The following IGFALS variants were observed in gnomAD, a reference collection of about 807,000 sequenced individuals.
IGFALS encodes the protein insulin-like growth factor-binding protein complex acid labile subunit.
In IGFALS, 2 loss-of-function variants were observed where a neutral mutation model predicts 2.6. That is an observed-to-expected ratio of 0.77 (90% CI 0.32 to 2.44). The LOEUF is 2.44. IGFALS is among the 30% of genes most tolerant of loss of function. The probability of loss-of-function intolerance (pLI) is 0.11; values close to 1 mark genes in which losing one functional copy is unlikely to be tolerated. For missense variants in IGFALS, 996 were observed against 848.7 expected (o/e 1.17, Z -2.16); for synonymous variants, 519 against 431.9 (o/e 1.20, Z -2.50).
At chr16:1,794,130 A>G (rs1327923873), upstream of IGFALS, among the ~76,000 whole-genome samples, 1 of 151,882 alleles carries the variant, frequency 6.6e-6, no homozygotes, top group Non-Finnish European at 1.5e-5. Context: ...GTGTGGGGCT[A>G]AGGGGCTGCC....
At chr16:1,794,898 T>C, upstream of IGFALS, 1 of 702,300 alleles carries the variant, frequency 1.4e-6, no homozygotes, top group Admixed American at 2.0e-5. Context: ...GTCTTCCCTT[T>C]ATCGAGAATT....
chr16:1,793,718 T>A, upstream of IGFALS: 1 of 1,500,112 alleles, frequency 6.7e-7, no homozygotes, highest in South Asian at 1.2e-5. Flanking sequence ...CGGCCACCCC[T>A]GCCCTCTGGA....
At chr16:1,794,732 A>G (rs34679887), upstream of IGFALS, 9,589 of 654,688 alleles carry the variant, frequency 0.015, 547 homozygotes, top group South Asian at 0.12. Flanking sequence ...CGGCAGTGGG[A>G]AAGTGTGCAG....
Position 1,791,242 on chromosome 16 carries a change from G to T in IGFALS, c.1176C>A (p.His392Gln). ...FRGLGKLHSLHLEGSCLGRIR... is the reference protein window; with the variant it reads ...FRGLGKLHSLQLEGSCLGRIR... ...TGCGTCCCAGGCAGCTGCCCTCCAG[G>T]TGCAGGCTGTGCAGCTTGCCCAGGC... The change falls in exon 2 of 2, where the codon CAC becomes CAA. Residue 392 changes from histidine (H) to glutamine (Q), a missense_variant. Physicochemically the swap from His to Gln is conservative, Grantham distance 24 (BLOSUM62 0). Coordinates refer to ENST00000215539, the MANE Select transcript of IGFALS (RefSeq NM_004970.3). 6.2e-7 allele frequency: 1 copy of T among 1,608,520 alleles called. No individual in the cohort carries two copies. The highest frequency in any genetic ancestry group is 8.5e-7 in the Non-Finnish European group (1 of 1,179,834).
chr16:1,792,793 G>T (rs921167784), intron 1 of IGFALS, among the ~76,000 whole-genome samples: 38 of 152,332 alleles, frequency 2.5e-4, no homozygotes, highest in African/African-American at 8.9e-4. Flanking sequence ...CATTGGCCAA[G>T]GTCCGGCCAT....
upstream of IGFALS, chr16:1,793,775 C>T (rs1897282464): frequency 7.2e-6 from 7 of 972,834 alleles, no homozygotes; most frequent in South Asian, 1.1e-4. Context: ...GCTGGCCCAA[C>T]CCAGCTGGCC....
Position 1,791,078 on chromosome 16 carries a change from G to C in IGFALS, c.1340C>G (p.Thr447Arg), listed in dbSNP as rs571715026. 1.9e-6 allele frequency: 3 copies of C among 1,599,170 alleles called. No homozygotes were observed. The highest frequency in any genetic ancestry group is 2.5e-6 in the Non-Finnish European group (3 of 1,179,708). The part of the protein sequence containing the change: ...LELDLTSNQL[T>R]HLPHRLFQGL... The stretch of plus-strand genomic sequence containing the variant: ...CTGGAAGAGGCGGTGGGGCAGGTGC[G>C]TGAGCTGGTTGGAGGTCAGGTCGAG... The change falls in exon 2 of 2, where the codon ACG becomes AGG. Residue 447 changes from threonine (T) to arginine (R), a missense_variant. By Grantham distance (71) the Thr-to-Arg change is moderately conservative. Transcript: ENST00000215539.
At chr16:1,792,556 G>C (rs572726393) in intron 1 of IGFALS, 155 bp from the exon 2 acceptor site, 3 of 1,376,492 alleles carry the variant, frequency 2.2e-6, no homozygotes, top group Non-Finnish European at 2.9e-6. Flanking sequence ...AGGTCCTCCG[G>C]CTCAAAAGCT....
At chr16:1,793,243 G>A (rs1024350751) in intron 1 of IGFALS, among the ~76,000 whole-genome samples, 5 of 152,160 alleles carry the variant, frequency 3.3e-5, no homozygotes, top group East Asian at 1.9e-4. Context: ...GGGGGTGGCC[G>A]AAGCTGCAAG....
Position 1,792,264 on chromosome 16 carries a change from C to G in IGFALS, c.154G>C (p.Asp52His). 6.2e-7 allele frequency: 1 copy of G among 1,601,380 alleles called. No individual in the cohort carries two copies. Residue 52 changes from aspartate (D) to histidine (H), a missense_variant, in exon 2 of 2, where the codon GAC (aspartate) becomes CAC (histidine). Coordinates refer to ENST00000215539, the MANE Select transcript of IGFALS (RefSeq NM_004970.3). ...PAACVCSYDDDADELSVFCSS... is the reference protein window; with the variant it reads ...PAACVCSYDDHADELSVFCSS... ...CAGAAGACGCTGAGCTCATCCGCGT[C>G]GTCATCGTAGCTGCAGACACAGGCG...
chr16:1,792,254 T>G lies in IGFALS; in HGVS notation c.164A>C (p.Glu55Ala). 1 of 1,602,362 alleles carries G rather than the reference T, an allele frequency of 6.2e-7. No individual in the cohort carries two copies. The highest frequency in any genetic ancestry group is 1.3e-5 in the African/African-American group (1 of 75,032). ...CCTGGAGCTGCAGAAGACGCTGAGC[T>G]CATCCGCGTCGTCATCGTAGCTGCA... ...CVCSYDDDAD[E>A]LSVFCSSRNL... The change falls in exon 2 of 2, where the codon GAG becomes GCG. Residue 55 changes from glutamate (E) to alanine (A), a missense_variant. Coordinates refer to ENST00000215539, the MANE Select transcript of IGFALS (RefSeq NM_004970.3).
chr16:1,794,456 C>G (rs1253829873), upstream of IGFALS, among the ~76,000 whole-genome samples: 2 of 152,146 alleles, frequency 1.3e-5, no homozygotes, highest in Admixed American at 6.5e-5. Context: ...CTTGCTGTCC[C>G]CCAAGGCTCT....
chr16:1,792,283 A>C lies in IGFALS; in HGVS notation c.135T>G (p.Cys45Trp), dbSNP rs371186805. The C allele has an allele frequency of 1.9e-6, 3 of 1,599,926 alleles. No individual in the cohort carries two copies. Among genetic ancestry groups the C allele is most frequent in the Non-Finnish European group, 2.5e-6 (3 of 1,179,564 alleles). Reference sequence around the variant, plus strand: ...CCGCGTCGTCATCGTAGCTGCAGACACAGGCGGCCGGGCACGCTGGGCCCT... The same window carrying C: ...CCGCGTCGTCATCGTAGCTGCAGACCCAGGCGGCCGGGCACGCTGGGCCCT... ...EAEGPACPAA[C>W]VCSYDDDADE... The change falls in exon 2 of 2, where the codon TGT becomes TGG. Residue 45 changes from cysteine (C) to tryptophan (W), a missense_variant. By Grantham distance (215) the Cys-to-Trp change is radical. Transcript: ENST00000215539.
At chr16:1,794,123 T>G (rs1567243361), upstream of IGFALS, among the ~76,000 whole-genome samples, 1 of 152,038 alleles carries the variant, frequency 6.6e-6, no homozygotes, top group African/African-American at 2.4e-5. Context: ...GCCAGCCGTG[T>G]GGGGCTAAGG....
rs1362024021 is a variant in IGFALS, at chr16:1,793,666, C to T, written c.-14G>A. The T allele has an allele frequency of 1.3e-6, 2 of 1,592,384 alleles. No homozygotes were observed. Among genetic ancestry groups the T allele is most frequent in the Non-Finnish European group, 1.7e-6 (2 of 1,169,088 alleles). On this transcript the variant is annotated 5_prime_UTR_variant, in exon 1 of 2. Transcript: ENST00000215539. ...CCTCAGGGCCATCCTGCATGCAGGGCAGGCTGCAGGCAGGCAGCGAGGGAG... is the reference window on the plus strand; with the variant it reads ...CCTCAGGGCCATCCTGCATGCAGGGTAGGCTGCAGGCAGGCAGCGAGGGAG...
In IGFALS at chr16:1,791,641, CG is replaced by C; in HGVS notation, c.776del (p.Pro259ArgfsTer7). 1 of 1,578,388 alleles carries C rather than the reference CG, an allele frequency of 6.3e-7. No individual in the cohort carries two copies. ...LDRNLIAAVA[P>X]GAFLGLKALR... ...GCGCCTTCAGGCCCAGGAAGGCGCC[CG>C]GGGCCACGGCAGCGATGAGGTTGCG... On this transcript the variant is annotated frameshift_variant, in exon 2 of 2. Transcript: ENST00000215539. LOFTEE classifies it low-confidence loss of function (END_TRUNC).
At chr16:1,793,790 C>T (rs1465902820), upstream of IGFALS, 2 of 800,178 alleles carry the variant, frequency 2.5e-6, no homozygotes, top group South Asian at 1.8e-5. Flanking sequence ...CTGGCCCTGG[C>T]TCTGTTAACC....
chr16:1,792,166 G>A lies in IGFALS; in HGVS notation c.252C>T (p.Asn84=). The change falls in exon 2 of 2, where the codon AAC becomes AAT. Residue 84 remains asparagine (N), a synonymous_variant. Transcript: ENST00000215539. ...GGTQALWLDG[N]NLSSVPPAAF... ...CTGCCGGGGGGACGGACGAGAGGTT[G>A]TTGCCGTCCAGCCACAGGGCTTGGG... 1 of 1,611,372 alleles carries A rather than the reference G, an allele frequency of 6.2e-7. No individual in the cohort carries two copies. Among genetic ancestry groups the A allele is most frequent in the Middle Eastern group, 1.6e-4 (1 of 6,062 alleles).
At chr16:1,793,761 CCTGG>C (rs1897282405), upstream of IGFALS, 4 of 1,155,646 alleles carry the variant, frequency 3.5e-6, no homozygotes, top group Non-Finnish European at 4.9e-6. Flanking sequence ...GCGCCTGTCA[CCTGG>C]CTGGCCCAAC....
Sources: allele counts gnomAD v4.1 joint callset (sites outside exome capture counted in the v4.1 genomes callset), GRCh38; gene constraint gnomAD v4.1.1; transcripts MANE v1.5; gene names NCBI Gene and HGNC (gene_info 2026-07-23, HGNC 2026-07-21).